Variants in PTPRD observed in about 807,000 individuals in gnomAD.
The protein encoded by PTPRD is receptor-type tyrosine-protein phosphatase delta.
Under a neutral mutation model 214.5 loss-of-function variants are expected in PTPRD, and 34 were observed. The ratio of observed to expected loss-of-function variants is 0.16; its 90% CI spans 0.12 to 0.21. The LOEUF is 0.21. PTPRD is among the 10% of genes least tolerant of loss of function. The pLI is 1.00. For synonymous variants in PTPRD, 1,128 were observed against 845.7 expected (o/e 1.33, Z -5.79); for missense variants, 2,545 against 2,398.7 (o/e 1.06, Z -1.27).
chr9:9,417,102 T>C (rs942844369), intron 8 of PTPRD, among the ~76,000 whole-genome samples: 4 of 152,112 alleles, frequency 2.6e-5, no homozygotes, highest in African/African-American at 7.2e-5. Flanking sequence ...GAAGCTGTTA[T>C]CCCATTCTTT....
chr9:8,887,929 A>G (rs539410897), intron 11 of PTPRD, among the ~76,000 whole-genome samples: 1 of 151,898 alleles, frequency 6.6e-6, no homozygotes, highest in East Asian at 1.9e-4. Context: ...GAACCATCTC[A>G]ATTCTTGGAA....
At chr9:8,531,971 A>G (rs1564117500) in intron 14 of PTPRD, among the ~76,000 whole-genome samples, 1 of 152,088 alleles carries the variant, frequency 6.6e-6, no homozygotes, top group East Asian at 1.9e-4. Flanking sequence ...GCTCATAAAG[A>G]ACACTCCAGA....
chr9:8,905,903 C>T (rs535933730), intron 11 of PTPRD, among the ~76,000 whole-genome samples: 4 of 152,296 alleles, frequency 2.6e-5, no homozygotes, highest in African/African-American at 9.6e-5. Flanking sequence ...CTAACTTATA[C>T]TACACATTAC....
At chr9:8,407,658 G>A (rs1264629863) in intron 35 of PTPRD, among the ~76,000 whole-genome samples, 3 of 152,116 alleles carry the variant, frequency 2.0e-5, no homozygotes, top group African/African-American at 7.2e-5. Context: ...GTCATTCTGG[G>A]GCAATTACAT....
At chr9:8,993,983 T>A (rs1442537675) in intron 11 of PTPRD, among the ~76,000 whole-genome samples, 1 of 152,126 alleles carries the variant, frequency 6.6e-6, no homozygotes, top group African/African-American at 2.4e-5. Flanking sequence ...TGCATCCCAA[T>A]AATTTTGTGA....
At chr9:9,816,681 C>T (rs1040317384) in intron 5 of PTPRD, among the ~76,000 whole-genome samples, 2 of 151,990 alleles carry the variant, frequency 1.3e-5, no homozygotes, top group Non-Finnish European at 2.9e-5. Flanking sequence ...AGCCTATAAA[C>T]ACGTAGCTTA....
intron 11 of PTPRD, among the ~76,000 whole-genome samples, chr9:8,918,080 T>C (rs1213517358): frequency 1.3e-5 from 2 of 152,108 alleles, no homozygotes; most frequent in Non-Finnish European, 2.9e-5. Flanking sequence ...CAGGGGAACC[T>C]CTACCCAAAG....
At chr9:10,363,462 T>G (rs2097435488) in intron 2 of PTPRD, among the ~76,000 whole-genome samples, 1 of 152,238 alleles carries the variant, frequency 6.6e-6, no homozygotes, top group Non-Finnish European at 1.5e-5. Flanking sequence ...AAAAGTGACA[T>G]TTCTCACTGC....
intron 11 of PTPRD, among the ~76,000 whole-genome samples, chr9:8,966,421 A>C (rs2099195257): frequency 6.7e-6 from 1 of 149,156 alleles, no homozygotes; most frequent in Admixed American, 6.7e-5. Context: ...AGTGGAAGAG[A>C]AAAAAAAAAG....
At chr9:9,294,123 G>T (rs963972490) in intron 9 of PTPRD, among the ~76,000 whole-genome samples, 2 of 151,582 alleles carry the variant, frequency 1.3e-5, no homozygotes, top group African/African-American at 4.8e-5. Flanking sequence ...CTTATATATG[G>T]AGGATTCACA....
At position 8,477,130 on chromosome 9, in the gene PTPRD, A is replaced by T. The variant is rs182274905; in HGVS notation, c.3414-6045T>A. The stretch of plus-strand genomic sequence containing the variant: ...AGAACTTGCTTGAAATGAAAAAAAA[A>T]AAAATAAATTGCTTTTGGAGCTAGC... On this transcript the variant is annotated intron_variant, in intron 30 of 45. Transcript: ENST00000381196. Among the ~76,000 whole-genome samples, 188 of 152,246 alleles carry T rather than the reference A, an allele frequency of 1.2e-3. 1 individual carries two copies. The highest frequency in any genetic ancestry group is 1.9e-3 in the African/African-American group (77 of 41,524).
chr9:10,026,048 G>A (rs147295491), intron 4 of PTPRD, among the ~76,000 whole-genome samples: 2 of 152,334 alleles, frequency 1.3e-5, no homozygotes, highest in Admixed American at 6.5e-5. Flanking sequence ...CATAACCAGT[G>A]CTGCTCTAAT....
chr9:9,093,200 C>G (rs2099778747), intron 10 of PTPRD, among the ~76,000 whole-genome samples: 1 of 151,906 alleles, frequency 6.6e-6, no homozygotes. Context: ...ACTAATAGAA[C>G]TAAAAGGAGA....
chr9:8,625,036 C>T (rs562692578), intron 14 of PTPRD, among the ~76,000 whole-genome samples: 32 of 151,824 alleles, frequency 2.1e-4, no homozygotes, highest in Non-Finnish European at 4.0e-4. Context: ...CTCTTGGGTG[C>T]CCAATAAATG....
At chr9:8,680,342 C>T (rs1184898009) in intron 12 of PTPRD, among the ~76,000 whole-genome samples, 1 of 152,146 alleles carries the variant, frequency 6.6e-6, no homozygotes, top group Non-Finnish European at 1.5e-5. Context: ...TAATTGCCTA[C>T]AGCTTTAATT....
At chr9:8,661,557 A>G (rs527273962) in intron 12 of PTPRD, among the ~76,000 whole-genome samples, 91 of 152,280 alleles carry the variant, frequency 6.0e-4, no homozygotes, top group African/African-American at 2.1e-3. Flanking sequence ...TAACACAGGT[A>G]AGAATAGCTG....
intron 8 of PTPRD, among the ~76,000 whole-genome samples, chr9:9,528,312 G>A (rs970202578): frequency 1.3e-5 from 2 of 152,130 alleles, no homozygotes; most frequent in Non-Finnish European, 1.5e-5. Flanking sequence ...TCAGAGGGCT[G>A]GGAATAATTC....
intron 7 of PTPRD, among the ~76,000 whole-genome samples, chr9:9,641,722 AC>A (rs1197175516): frequency 6.6e-6 from 1 of 152,224 alleles, no homozygotes; most frequent in Non-Finnish European, 1.5e-5. Flanking sequence ...TTAGGATTAA[AC>A]AAGTCTAACT....
chr9:9,068,832 G>T (rs959553264), intron 10 of PTPRD, among the ~76,000 whole-genome samples: 1 of 152,004 alleles, frequency 6.6e-6, no homozygotes, highest in African/African-American at 2.4e-5. Context: ...GGATGGTCTC[G>T]ATCTCCTGAC....
Sources: gnomAD v4.1 joint callset for allele counts (sites outside exome capture counted in the v4.1 genomes callset) on GRCh38, gnomAD v4.1.1 for gene constraint, MANE v1.5 for transcripts, NCBI Gene and HGNC (gene_info 2026-07-23, HGNC 2026-07-21) for gene names.